Variants in SPMAP2 observed in about 807,000 individuals in gnomAD.
SPMAP2 encodes the protein Theg homolog.
chr19:364,844 G>A, the SPMAP2 span, among the ~76,000 whole-genome samples: 1,780 of 152,128 alleles, frequency 0.012, 52 homozygotes, highest in East Asian at 0.093. Context: ...GGTGGCCACC[G>A]AGTCTGGCAT....
the SPMAP2 span, chr19:373,479 T>G: frequency 6.2e-7 from 1 of 1,612,846 alleles, no homozygotes; most frequent in African/African-American, 1.3e-5. Flanking sequence ...CCGGGCACTG[T>G]GATGGTGAGG....
At chr19:375,871 T>A in the SPMAP2 span, 29 of 1,580,750 alleles carry the variant, frequency 1.8e-5, no homozygotes, top group African/African-American at 3.0e-4. Context: ...TACACAGAGC[T>A]CTGGAGGCCA....
chr19:372,801 A>G, the SPMAP2 span: 2 of 1,151,770 alleles, frequency 1.7e-6, no homozygotes, highest in Non-Finnish European at 1.3e-6. Flanking sequence ...GAGCTTGGGC[A>G]GGAGGCTGAA....
At chr19:364,947 C>T in the SPMAP2 span, among the ~76,000 whole-genome samples, 28 of 152,346 alleles carry the variant, frequency 1.8e-4, no homozygotes, top group Non-Finnish European at 3.1e-4. Context: ...TCCCTCTTTG[C>T]GTGGAACTTC....
At chr19:372,838 T>G in the SPMAP2 span, 2 of 773,448 alleles carry the variant, frequency 2.6e-6, no homozygotes, top group South Asian at 3.2e-5. Context: ...CAGAGACAAC[T>G]GGGGGCCAGA....
chr19:362,999 A>G, the SPMAP2 span, among the ~76,000 whole-genome samples: 2 of 152,250 alleles, frequency 1.3e-5, no homozygotes, highest in Admixed American at 6.5e-5. Flanking sequence ...ACAAATGTCC[A>G]GGACAGGCCA....
the SPMAP2 span, chr19:373,874 GGGTCCCCT>G: frequency 4.1e-6 from 6 of 1,474,870 alleles, no homozygotes; most frequent in Non-Finnish European, 5.6e-6. Context: ...TGGAGTGAAG[GGGTCCCCT>G]GGAACCTGAC....
the SPMAP2 span, chr19:373,412 G>A: frequency 2.6e-6 from 4 of 1,566,038 alleles, no homozygotes; most frequent in Non-Finnish European, 2.6e-6. Context: ...GGCGGGGCAG[G>A]TTCCCTGGAG....
chr19:372,789 A>G, the SPMAP2 span: 1 of 1,306,150 alleles, frequency 7.7e-7, no homozygotes, highest in South Asian at 1.2e-5. Flanking sequence ...TCAGCTTTTC[A>G]TGAGCTTGGG....
the SPMAP2 span, chr19:367,035 G>A: frequency 6.2e-7 from 1 of 1,611,526 alleles, no homozygotes; most frequent in South Asian, 1.1e-5. Flanking sequence ...CAGGACATCA[G>A]GAAATGCCTA....
At chr19:369,799 C>A in the SPMAP2 span, among the ~76,000 whole-genome samples, 1 of 152,152 alleles carries the variant, frequency 6.6e-6, no homozygotes, top group African/African-American at 2.4e-5. Context: ...CGCAAAGAAC[C>A]TTCTTAAGGG....
chr19:375,557 C>T, the SPMAP2 span: 483 of 1,220,046 alleles, frequency 4.0e-4, no homozygotes, highest in African/African-American at 5.5e-3. Context: ...GGCCGGTGGC[C>T]GGTTACGACC....
At chr19:368,801 T>TG in the SPMAP2 span, among the ~76,000 whole-genome samples, 1 of 152,200 alleles carries the variant, frequency 6.6e-6, no homozygotes, top group South Asian at 2.1e-4. This position sits in a 1 kb window ranked among gnomAD's most constrained non-coding sequence, Gnocchi z 4.1. Flanking sequence ...TCTCCCTCCC[T>TG]GGCTCCCTCC....
the SPMAP2 span, among the ~76,000 whole-genome samples, chr19:364,011 C>A: frequency 6.6e-6 from 1 of 152,046 alleles, no homozygotes; most frequent in Non-Finnish European, 1.5e-5. Context: ...GCTACGAAAC[C>A]TACACTTAAA....
the SPMAP2 span, chr19:373,546 CG>C: frequency 6.2e-7 from 1 of 1,612,028 alleles, no homozygotes; most frequent in Non-Finnish European, 8.5e-7. Context: ...AATAAGCGGA[CG>C]GCTCAGGGCA....
At chr19:362,498 G>C in the SPMAP2 span, 6 of 1,297,208 alleles carry the variant, frequency 4.6e-6, no homozygotes, top group Non-Finnish European at 6.4e-6. Context: ...CTGGGCATGG[G>C]AGCTCACACC....
At chr19:370,310 C>A in the SPMAP2 span, among the ~76,000 whole-genome samples, 1 of 152,014 alleles carries the variant, frequency 6.6e-6, no homozygotes, top group Admixed American at 6.5e-5. Context: ...GAAACTTACG[C>A]CTCCACAAAA....
At chr19:373,521 A>G in the SPMAP2 span, 1 of 1,613,330 alleles carries the variant, frequency 6.2e-7, no homozygotes, top group Non-Finnish European at 8.5e-7. Flanking sequence ...TCGGTCCAGT[A>G]CACAGAGGGC....
the SPMAP2 span, chr19:374,272 C>T: frequency 3.2e-3 from 5,092 of 1,611,048 alleles, 7 homozygotes; most frequent in Middle Eastern, 3.8e-3. Flanking sequence ...GCTGCCCCTA[C>T]GAGGCCGTGG....
Sources: allele counts gnomAD v4.1 joint callset (sites outside exome capture counted in the v4.1 genomes callset), GRCh38; gene constraint gnomAD v4.1.1; non-coding constraint Gnocchi (gnomAD v3.1); transcripts MANE v1.5; gene names NCBI Gene and HGNC (gene_info 2026-07-23, HGNC 2026-07-21).